Variants in DCT observed in about 807,000 individuals in gnomAD.
The protein encoded by DCT is L-dopachrome tautomerase.
A neutral mutation model predicts 53.0 loss-of-function variants in DCT; 47 were observed. The observed-to-expected ratio is 0.89, with a 90% CI of 0.70 to 1.13. The LOEUF (loss-of-function observed/expected upper bound fraction) is 1.13. Among genes scored for constraint, DCT ranks in the 50% most tolerant of loss-of-function variants. DCT has a pLI of 0.00. For missense variants in DCT, 669 were observed against 637.4 expected (o/e 1.05, Z -0.53); for synonymous variants, 244 against 237.0 (o/e 1.03, Z -0.27).
chr13:94,493,773 G>A, the DCT span, among the ~76,000 whole-genome samples: 3 of 152,128 alleles, frequency 2.0e-5, no homozygotes, highest in Non-Finnish European at 2.9e-5. Context: ...GGAATGCAGC[G>A]GGTTTTTAGG....
intron 1 of DCT, among the ~76,000 whole-genome samples, chr13:94,472,557 TA>T (rs1884786815): frequency 3.4e-5 from 1 of 29,474 alleles, no homozygotes; most frequent in Non-Finnish European, 5.9e-5. Context: ...TATATATATA[TA>T]TATATATATA....
At chr13:94,450,446 T>C (rs1400271475) in intron 6 of DCT, among the ~76,000 whole-genome samples, 4 of 152,162 alleles carry the variant, frequency 2.6e-5, no homozygotes, top group Non-Finnish European at 5.9e-5. Context: ...AAACAGAGAG[T>C]ATTTCTCAGG....
At chr13:94,524,042 A>G in the DCT span, among the ~76,000 whole-genome samples, 474 of 152,332 alleles carry the variant, frequency 3.1e-3, 2 homozygotes, top group African/African-American at 0.011. Flanking sequence ...CTTGAATTCA[A>G]TAAAATGAGC....
At chr13:94,484,931 G>A in the DCT span, among the ~76,000 whole-genome samples, 9 of 152,244 alleles carry the variant, frequency 5.9e-5, no homozygotes, top group East Asian at 1.7e-3. Flanking sequence ...TCTGTCCAAT[G>A]TTGTCATATT....
rs1390486403 is a variant in DCT, at chr13:94,478,998, C to A, written c.258G>T (p.Trp86Cys). The A allele has an allele frequency of 3.1e-6, 5 of 1,612,886 alleles. No individual in the cohort carries two copies. Among genetic ancestry groups the A allele is most frequent in the Non-Finnish European group, 4.2e-6 (5 of 1,179,064 alleles). ...ILRNQDDRELWPRKFFHRTCK... is the reference protein window; with the variant it reads ...ILRNQDDRELCPRKFFHRTCK... Reference sequence around the variant, plus strand: ...AGGTCCGGTGGAAGAATTTTCTTGGCCACAGCTCACGGTCATCCTGGTTTC... The same window carrying A: ...AGGTCCGGTGGAAGAATTTTCTTGGACACAGCTCACGGTCATCCTGGTTTC... Residue 86 changes from tryptophan to cysteine, a missense_variant, in exon 1 of 8, where the codon TGG becomes TGT. Trp to Cys is a radical substitution (Grantham distance 215). Coordinates refer to ENST00000377028, the MANE Select transcript of DCT (RefSeq NM_001922.5).
chr13:94,508,276 G>A, the DCT span, among the ~76,000 whole-genome samples: 1 of 152,204 alleles, frequency 6.6e-6, no homozygotes, highest in East Asian at 1.9e-4. Context: ...GTTAGGCACA[G>A]ATGAGTCTGC....
the DCT span, among the ~76,000 whole-genome samples, chr13:94,523,732 T>C: frequency 6.6e-6 from 1 of 152,168 alleles, no homozygotes; most frequent in Non-Finnish European, 1.5e-5. Context: ...CTGCCCTAAT[T>C]GGGGAGAAAT....
At chr13:94,508,668 G>A in the DCT span, among the ~76,000 whole-genome samples, 57,561 of 151,866 alleles carry the variant, frequency 0.38, 11,361 homozygotes, top group East Asian at 0.61. Flanking sequence ...GGGCTGTTCT[G>A]GGAAAGGGGG....
chr13:94,472,546 ATATATATATATATATATATATATTTTT>A (rs1884762342), intron 1 of DCT, among the ~76,000 whole-genome samples: 4 of 25,582 alleles, frequency 1.6e-4, no homozygotes, highest in Non-Finnish European at 2.0e-4. Flanking sequence ...ATATATATAT[ATATATATATATATATATATATATTTTT>A]TTTTTTTTTT....
intron 1 of DCT, among the ~76,000 whole-genome samples, chr13:94,473,071 G>A (rs1884853286): frequency 6.6e-6 from 1 of 152,080 alleles, no homozygotes; most frequent in South Asian, 2.1e-4. Flanking sequence ...GCTTGGATGG[G>A]TGGTGAAAGA....
chr13:94,513,514 G>C, the DCT span, among the ~76,000 whole-genome samples: 2 of 152,112 alleles, frequency 1.3e-5, no homozygotes, highest in Non-Finnish European at 2.9e-5. Flanking sequence ...AACAATATAT[G>C]AAACAATGGG....
the DCT span, among the ~76,000 whole-genome samples, chr13:94,522,011 G>A: frequency 2.6e-5 from 4 of 152,268 alleles, no homozygotes; most frequent in African/African-American, 9.6e-5. Context: ...CTTAGGATGG[G>A]CTTCTTTCAC....
chr13:94,493,549 G>A, the DCT span, among the ~76,000 whole-genome samples: 1 of 152,174 alleles, frequency 6.6e-6, no homozygotes, highest in Non-Finnish European at 1.5e-5. Flanking sequence ...TGAAATATGT[G>A]CAGTATATTA....
the DCT span, among the ~76,000 whole-genome samples, chr13:94,527,075 T>C: frequency 1.3e-5 from 2 of 152,104 alleles, no homozygotes; most frequent in African/African-American, 4.8e-5. Context: ...GGGAGGGGCG[T>C]CTGCCATCGC....
At chr13:94,505,695 C>T in the DCT span, among the ~76,000 whole-genome samples, 1 of 152,182 alleles carries the variant, frequency 6.6e-6, no homozygotes, top group Non-Finnish European at 1.5e-5. Context: ...CATGATGGGA[C>T]ATCACTTTGT....
chr13:94,547,984 A>AATATATATATATATATATATATATAT, the DCT span, among the ~76,000 whole-genome samples: 4 of 65,816 alleles, frequency 6.1e-5, no homozygotes, highest in Admixed American at 1.9e-4. Context: ...AAAAAAAAAA[A>AATATATATATATATATATATATATAT]ATATATATAT....
In DCT at chr13:94,460,182, G is replaced by C; in HGVS notation, c.1088C>G (p.Ser363Cys). The change falls in exon 6 of 8, where the codon TCT (serine) becomes TGT (cysteine). Residue 363 changes from serine (S) to cysteine (C), a missense_variant. Ser to Cys is a moderately radical substitution (Grantham distance 112). Coordinates refer to ENST00000377028, the MANE Select transcript of DCT (RefSeq NM_001922.5). Reference sequence around the variant, plus strand: ...CAAATTATGAAGGCTCATCACTTGAGAATCCAGAGTCCCATCTGCTTTATC... The same window carrying C: ...CAAATTATGAAGGCTCATCACTTGACAATCCAGAGTCCCATCTGCTTTATC... Reference protein sequence around the residue: ...GFDKADGTLDSQVMSLHNLVH... With the variant: ...GFDKADGTLDCQVMSLHNLVH... 1 of 1,613,848 alleles carries C rather than the reference G, an allele frequency of 6.2e-7. No homozygotes were observed. Among genetic ancestry groups the C allele is most frequent in the Non-Finnish European group, 8.5e-7 (1 of 1,179,728 alleles).
At chr13:94,492,077 C>T in the DCT span, among the ~76,000 whole-genome samples, 3 of 152,254 alleles carry the variant, frequency 2.0e-5, no homozygotes, top group East Asian at 5.8e-4. Flanking sequence ...TCTCTCTTAC[C>T]TGTTATGGAC....
the DCT span, among the ~76,000 whole-genome samples, chr13:94,536,680 C>A: frequency 6.6e-6 from 1 of 152,134 alleles, no homozygotes; most frequent in Admixed American, 6.5e-5. Flanking sequence ...CGGTGGCTCA[C>A]GCTTGTAATC....
Sources: allele counts gnomAD v4.1 joint callset (sites outside exome capture counted in the v4.1 genomes callset), GRCh38; gene constraint gnomAD v4.1.1; transcripts MANE v1.5; gene names NCBI Gene and HGNC (gene_info 2026-07-23, HGNC 2026-07-21).